Variants in DYSF observed in about 807,000 individuals in gnomAD.
DYSF encodes dystrophy-associated fer-1-like 1.
In DYSF, 212 loss-of-function variants were observed where a neutral mutation model predicts 274.9. That is an observed-to-expected ratio of 0.77 (90% CI 0.69 to 0.86). DYSF has a LOEUF of 0.86. Among genes scored for constraint, DYSF ranks in the 40% least tolerant of loss-of-function variants. The pLI, the probability that DYSF is intolerant of heterozygous loss-of-function variation, is 0.00. For missense variants in DYSF, 2,666 were observed against 2,783.2 expected, an observed-to-expected ratio of 0.96 and a Z score of 0.95; for synonymous variants, 1,091 against 1,078.7, an observed-to-expected ratio of 1.01 and a Z score of -0.22.
chr2:71,517,653 C>T (rs546744834), intron 10 of DYSF, among the ~76,000 whole-genome samples: 3 of 152,172 alleles, frequency 2.0e-5, no homozygotes, highest in South Asian at 2.1e-4. Context: ...GAGCAAGGTG[C>T]GCACGGGAGT....
At chr2:71,539,890 A>G (rs190053086) in intron 17 of DYSF, among the ~76,000 whole-genome samples, 6 of 152,330 alleles carry the variant, frequency 3.9e-5, no homozygotes, top group Admixed American at 6.5e-5. Context: ...CTTCTATAAT[A>G]CAATTTTAAG....
Position 71,520,814 on chromosome 2 carries a change from G to T in DYSF, c.1059G>T (p.Leu353=). ...EPRHAYLRKW[L]LLSDPDDFSA... ...GGCACGCCTATCTCAGGAAGTGGCT[G>T]CTGCTCTCAGACCCTGATGACTTCT... Residue 353 remains leucine, a synonymous_variant, in exon 12 of 56, where the codon CTG becomes CTT. Transcript: ENST00000410020. 2 of 1,614,064 alleles carry T rather than the reference G, an allele frequency of 1.2e-6. No homozygotes were observed. Among genetic ancestry groups the T allele is most frequent in the Non-Finnish European group, 1.7e-6 (2 of 1,180,002 alleles).
intron 3 of DYSF, among the ~76,000 whole-genome samples, chr2:71,486,696 C>T (rs918527134): frequency 6.6e-6 from 1 of 152,126 alleles, no homozygotes; most frequent in Admixed American, 6.5e-5. Context: ...GCCCTAAGCC[C>T]GAGGACCCCT....
intron 22 of DYSF, among the ~76,000 whole-genome samples, chr2:71,559,081 G>A (rs1475640630): frequency 1.3e-5 from 2 of 152,068 alleles, no homozygotes; most frequent in Admixed American, 6.5e-5. Context: ...CCCTTTTCCC[G>A]GCTCATCTTC....
Position 71,611,644 on chromosome 2 carries a change from A to G in DYSF, c.4221+18A>G. 1 of 1,611,778 alleles carries G rather than the reference A, an allele frequency of 6.2e-7. No individual in the cohort carries two copies. Among genetic ancestry groups the G allele is most frequent in the Non-Finnish European group, 8.5e-7 (1 of 1,179,624 alleles). ...TGGAAGTGGTGAGCCCCACCTCCCTACTGTCCCCTTCCAGAGTCCTGGGGC... is the reference window on the plus strand; with the variant it reads ...TGGAAGTGGTGAGCCCCACCTCCCTGCTGTCCCCTTCCAGAGTCCTGGGGC... On this transcript the variant is annotated intron_variant, in intron 38 of 55. Transcript: ENST00000410020.
intron 16 of DYSF, among the ~76,000 whole-genome samples, chr2:71,536,234 C>G (rs959305949): frequency 6.6e-6 from 1 of 152,186 alleles, no homozygotes; most frequent in Non-Finnish European, 1.5e-5. Flanking sequence ...CCAGCGTGTT[C>G]TCCTCTGGTC....
intron 20 of DYSF, 60 bp from the exon 21 acceptor site, chr2:71,553,747 A>AGCCCCAAACCCCCC: frequency 1.1e-6 from 1 of 872,684 alleles, no homozygotes; most frequent in Non-Finnish European, 1.8e-6. Context: ...CACTCTTAGC[A>AGCCCCAAACCCCCC]CCCCATCCCA....
intron 2 of DYSF, among the ~76,000 whole-genome samples, 159 bp from the exon 3 acceptor site, chr2:71,481,720 A>ATCCG (rs1164611928): frequency 1.3e-5 from 2 of 151,740 alleles, no homozygotes; most frequent in Admixed American, 6.6e-5. Context: ...CCATCCATCC[A>ATCCG]TCCATCCATG....
chr2:71,528,873 G>A (rs991152039), intron 14 of DYSF, among the ~76,000 whole-genome samples: 1 of 152,140 alleles, frequency 6.6e-6, no homozygotes, highest in Non-Finnish European at 1.5e-5. Context: ...GCCCTGAGGC[G>A]GGACTGTGGC....
At chr2:71,666,863 A>G (rs11894210) in intron 47 of DYSF, among the ~76,000 whole-genome samples, 7,367 of 152,306 alleles carry the variant, frequency 0.048, 575 homozygotes, top group African/African-American at 0.16. Context: ...AAGACTAAAT[A>G]TGTTAATAGC....
intron 14 of DYSF, among the ~76,000 whole-genome samples, chr2:71,532,830 T>TTCTA (rs61396446): frequency 0.25 from 36,865 of 147,358 alleles, 4,612 homozygotes; most frequent in East Asian, 0.28. Context: ...AGTACATTTA[T>TTCTA]TCTATCTATC....
chr2:71,510,327 G>A (rs2085960025), intron 4 of DYSF, among the ~76,000 whole-genome samples: 1 of 152,218 alleles, frequency 6.6e-6, no homozygotes, highest in Non-Finnish European at 1.5e-5. Context: ...TCTGGGCGGA[G>A]GGGAGGACTT....
intron 45 of DYSF, among the ~76,000 whole-genome samples, chr2:71,662,822 ATGTGCATT>A (rs2094913636): frequency 7.1e-6 from 1 of 141,266 alleles, no homozygotes; most frequent in Admixed American, 7.2e-5. Context: ...GTGTGTGTAT[ATGTGCATT>A]TGTGTATATG....
intron 16 of DYSF, 26 bp downstream of exon 16, chr2:71,535,337 A>G (rs200956604): frequency 4.8e-5 from 78 of 1,613,254 alleles, no homozygotes; most frequent in Admixed American, 2.0e-4. Flanking sequence ...TGGAGTCTTT[A>G]GGGCGGGCTG....
At chr2:71,488,131 G>C (rs943173969) in intron 3 of DYSF, among the ~76,000 whole-genome samples, 21 of 152,006 alleles carry the variant, frequency 1.4e-4, no homozygotes, top group Non-Finnish European at 3.1e-4. Context: ...AAAAATCTGT[G>C]AGCCAAATCT....
At chr2:71,667,043 G>A (rs1395760618) in intron 47 of DYSF, among the ~76,000 whole-genome samples, 1 of 152,228 alleles carries the variant, frequency 6.6e-6, no homozygotes, top group Non-Finnish European at 1.5e-5. Context: ...AGAGTTGGGA[G>A]CAGTCAGGGA....
intron 24 of DYSF, among the ~76,000 whole-genome samples, chr2:71,565,355 T>A (rs1484836402): frequency 6.6e-6 from 1 of 151,672 alleles, no homozygotes; most frequent in East Asian, 1.9e-4. Flanking sequence ...CCTCCCAAAG[T>A]GCTGGGATTC....
In DYSF at chr2:71,459,305, G is replaced by A. The variant is rs140549393; in HGVS notation, c.88+5219G>A. Among the ~76,000 whole-genome samples the A allele has an allele frequency of 3.4e-3, 512 of 152,302 alleles. 4 individuals are homozygous for A. The highest frequency in any genetic ancestry group is 0.012 in the African/African-American group (498 of 41,564). On this transcript the variant is annotated intron_variant, in intron 1 of 54. Coordinates refer to the DYSF transcript ENST00000258104. ...GACCAGCTAACATTAGGAGAATGTG[G>A]CCAGAGGAGAACTGGCCCAACTCCA...
intron 3 of DYSF, among the ~76,000 whole-genome samples, chr2:71,502,148 G>A (rs1323118950): frequency 3.3e-5 from 5 of 151,604 alleles, no homozygotes; most frequent in Non-Finnish European, 7.4e-5. Context: ...TAATGGATGT[G>A]AAGTAGTATC....
Sources: allele counts gnomAD v4.1 joint callset (sites outside exome capture counted in the v4.1 genomes callset), GRCh38; gene constraint gnomAD v4.1.1; transcripts MANE v1.5; gene names NCBI Gene and HGNC (gene_info 2026-07-23, HGNC 2026-07-21).